CNTNAP2: variants seen among roughly 807,000 people sequenced by gnomAD.
CNTNAP2 encodes contactin associated protein 2, also known as contactin-associated protein-like 2.
A neutral mutation model predicts 155.2 loss-of-function variants in CNTNAP2; 98 were observed. The ratio of observed to expected loss-of-function variants is 0.63; its 90% confidence interval spans 0.54 to 0.75. CNTNAP2 has a LOEUF of 0.75. Ranked by LOEUF, CNTNAP2 falls within the 30% of genes least tolerant of loss-of-function variation. The pLI is 0.00. For missense variants in CNTNAP2, 1,727 were observed against 1,688.1 expected (o/e 1.02, Z -0.40); for synonymous variants, 651 against 631.2 (o/e 1.03, Z -0.47).
chr7:147,436,579 A>G (rs1797550910), intron 10 of CNTNAP2, among the ~76,000 whole-genome samples: 1 of 152,198 alleles, frequency 6.6e-6, no homozygotes, highest in South Asian at 2.1e-4. Flanking sequence ...TACATAGGCA[A>G]GAGAGGCTTT....
intron 14 of CNTNAP2, among the ~76,000 whole-genome samples, chr7:147,922,498 T>C (rs944573875): frequency 2.6e-5 from 4 of 152,222 alleles, no homozygotes; most frequent in Admixed American, 2.6e-4. Context: ...GACTGCTCAC[T>C]GTGTGATAGG....
At chr7:147,589,442 T>C (rs1422249442) in intron 12 of CNTNAP2, among the ~76,000 whole-genome samples, 2 of 152,188 alleles carry the variant, frequency 1.3e-5, no homozygotes, top group African/African-American at 4.8e-5. Flanking sequence ...GTCAATAATA[T>C]GCTGAACTTA....
At chr7:147,382,426 G>T (rs1435794627) in intron 9 of CNTNAP2, among the ~76,000 whole-genome samples, 1 of 152,280 alleles carries the variant, frequency 6.6e-6, no homozygotes, top group African/African-American at 2.4e-5. Context: ...GGATGGAAGT[G>T]CCAGGATCAA....
At position 148,257,768 on chromosome 7, in the gene CNTNAP2, G is replaced by A. The variant is rs1221102903; in HGVS notation, c.3382-9265G>A. Among the ~76,000 whole-genome samples the A allele has an allele frequency of 2.6e-5, 4 of 152,246 alleles. No homozygotes were observed. In the East Asian group the frequency reaches 7.8e-4, roughly 30 times the overall value. Reference sequence around the variant, plus strand: ...TTCACGATCAGCCAGTCTCCCCATCGATGTGGTCTGGGAGGATGGAGCCAA... The same window carrying A: ...TTCACGATCAGCCAGTCTCCCCATCAATGTGGTCTGGGAGGATGGAGCCAA... On this transcript the variant is annotated intron_variant, in intron 20 of 23. Coordinates refer to ENST00000361727, the MANE Select transcript of CNTNAP2 (RefSeq NM_014141.6).
chr7:146,148,137 T>C (rs1440926940), intron 1 of CNTNAP2, among the ~76,000 whole-genome samples: 1 of 152,138 alleles, frequency 6.6e-6, no homozygotes, highest in Non-Finnish European at 1.5e-5. Flanking sequence ...ATCACAATGA[T>C]GTTCTTTTAT....
intron 3 of CNTNAP2, among the ~76,000 whole-genome samples, chr7:146,906,865 G>A (rs1008023382): frequency 5.4e-5 from 8 of 148,740 alleles, no homozygotes; most frequent in East Asian, 2.0e-4. Context: ...AGCTACGGGA[G>A]GACATTCAAA....
chr7:146,151,706 A>ATG (rs1798054433), intron 1 of CNTNAP2, among the ~76,000 whole-genome samples: 1 of 65,358 alleles, frequency 1.5e-5, no homozygotes, highest in Non-Finnish European at 3.0e-5. Context: ...ATGTATATAT[A>ATG]TATATATGTA....
chr7:147,302,774 A>C (rs1192525194), intron 9 of CNTNAP2, among the ~76,000 whole-genome samples: 1 of 152,264 alleles, frequency 6.6e-6, no homozygotes, highest in Non-Finnish European at 1.5e-5. Flanking sequence ...TTTGGGATGC[A>C]TGAGAATTAG....
intron 3 of CNTNAP2, among the ~76,000 whole-genome samples, chr7:146,971,523 A>G (rs896742304): frequency 1.3e-5 from 2 of 152,192 alleles, no homozygotes; most frequent in Admixed American, 6.6e-5. Context: ...TAGCTTATCA[A>G]CAATAACAAA....
chr7:147,189,757 G>GTTT (rs1336547855), intron 8 of CNTNAP2, among the ~76,000 whole-genome samples: 3 of 151,472 alleles, frequency 2.0e-5, no homozygotes, highest in Non-Finnish European at 1.5e-5. Flanking sequence ...TTTTGTTGTT[G>GTTT]TTGTTGAGAC....
At chr7:146,324,857 G>C (rs1801069955) in intron 1 of CNTNAP2, among the ~76,000 whole-genome samples, 1 of 151,834 alleles carries the variant, frequency 6.6e-6, no homozygotes, top group Non-Finnish European at 1.5e-5. Flanking sequence ...AATTATATAG[G>C]AATATGCAAT....
At chr7:147,981,819 T>TGTGTGTGTG (rs1404450002) in intron 15 of CNTNAP2, among the ~76,000 whole-genome samples, 2 of 113,678 alleles carry the variant, frequency 1.8e-5, no homozygotes, top group African/African-American at 6.6e-5. Context: ...GTGTGTGTGG[T>TGTGTGTGTG]TTTTTTTTTC....
chr7:148,055,461 C>T (rs1189638551), intron 15 of CNTNAP2, among the ~76,000 whole-genome samples: 1 of 152,134 alleles, frequency 6.6e-6, no homozygotes, highest in Non-Finnish European at 1.5e-5. Flanking sequence ...CATTGCAGTC[C>T]AGTTCTGTCA....
intron 15 of CNTNAP2, among the ~76,000 whole-genome samples, chr7:148,069,281 A>G (rs997740092): frequency 3.9e-5 from 6 of 152,218 alleles, no homozygotes; most frequent in Non-Finnish European, 5.9e-5. Context: ...TAAGGACTTC[A>G]TAAGTGTATG....
chr7:146,593,078 T>G (rs1798807117), intron 1 of CNTNAP2, among the ~76,000 whole-genome samples: 1 of 151,980 alleles, frequency 6.6e-6, no homozygotes, highest in African/African-American at 2.4e-5. Flanking sequence ...ACTGCTCCCT[T>G]CCACAGGCCA....
At chr7:147,111,666 T>C (rs956739116) in intron 5 of CNTNAP2, among the ~76,000 whole-genome samples, 11 of 152,148 alleles carry the variant, frequency 7.2e-5, no homozygotes, top group African/African-American at 2.7e-4. Flanking sequence ...TTGTTGAAGA[T>C]CAGGTGGTTA....
Position 147,800,857 on chromosome 7 carries a change from C to T in CNTNAP2, c.2099-102708C>T, listed in dbSNP as rs538665663. ...AGATATACACATAGTTACTATTTTA[C>T]CATTGTGTCACATTTGCCTGCAGTA... On this transcript the variant is annotated intron_variant, in intron 13 of 23. Transcript: ENST00000361727. Among the ~76,000 whole-genome samples, 22 of 152,280 alleles carry T rather than the reference C, an allele frequency of 1.4e-4. No individual in the cohort carries two copies. The South Asian group carries it at 4.6e-3, about 32-fold the overall frequency.
At chr7:147,698,195 C>T (rs1228066843) in intron 13 of CNTNAP2, among the ~76,000 whole-genome samples, 1 of 152,146 alleles carries the variant, frequency 6.6e-6, no homozygotes, top group Non-Finnish European at 1.5e-5. Context: ...TCATTTTGCT[C>T]AGATTTTTAC....
At chr7:147,566,951 G>A (rs912338139) in intron 12 of CNTNAP2, among the ~76,000 whole-genome samples, 2 of 152,164 alleles carry the variant, frequency 1.3e-5, no homozygotes, top group Admixed American at 6.5e-5. Context: ...ATGACTGCTT[G>A]GATCCTAGAG....
Sources: gnomAD v4.1 joint callset for allele counts (sites outside exome capture counted in the v4.1 genomes callset) on GRCh38, gnomAD v4.1.1 for gene constraint, MANE v1.5 for transcripts, NCBI Gene and HGNC (gene_info 2026-07-23, HGNC 2026-07-21) for gene names.